FBXO31: variants seen among roughly 807,000 people sequenced by gnomAD.
FBXO31 encodes F-box protein 31, also known as F-box only protein 31.
A neutral mutation model predicts 54.4 loss-of-function variants in FBXO31; 24 were observed. The ratio of observed to expected loss-of-function variants is 0.44; its 90% confidence interval spans 0.32 to 0.62. FBXO31 has a LOEUF of 0.62. FBXO31 is among the 20% of genes least tolerant of loss of function. The pLI is 0.05. For synonymous variants in FBXO31, 388 were observed against 335.6 expected, an observed-to-expected ratio of 1.16 and a Z score of -1.71; for missense variants, 665 against 787.1, an observed-to-expected ratio of 0.84 and a Z score of 1.86.
rs145589459 is a variant in FBXO31, at chr16:87,333,935, C to A, written c.1348G>T (p.Val450Leu). 3.8e-5 allele frequency: 62 copies of A among 1,611,758 alleles called. No individual in the cohort carries two copies. The highest frequency in any genetic ancestry group is 5.2e-5 in the Non-Finnish European group (61 of 1,179,222). ...CGQGQPFVLP[V>L]GVSSRNEDYP... ...TCCTCATTCCTGGAGCTCACGCCCA[C>A]GGGCAGCACGAACGGCTGCCCCTGC... Residue 450 changes from valine to leucine, a missense_variant, in exon 8 of 9, where the codon GTG (valine) becomes TTG (leucine). By Grantham distance (32) the Val-to-Leu change is conservative (BLOSUM62 1). Around this residue, in one of 4 missense-constraint regions of FBXO31, gnomAD observed 165 missense variants for 159.7 expected, o/e 1.03. Coordinates refer to ENST00000311635, the MANE Select transcript of FBXO31 (RefSeq NM_024735.5).
chr16:87,340,579 A>C (rs527689734), intron 5 of FBXO31, among the ~76,000 whole-genome samples: 3 of 152,242 alleles, frequency 2.0e-5, no homozygotes, highest in Non-Finnish European at 2.9e-5. Flanking sequence ...CTCATTTGTA[A>C]ACATATGTGC....
intron 2 of FBXO31, among the ~76,000 whole-genome samples, chr16:87,353,557 G>A (rs1597368803): frequency 6.6e-6 from 1 of 152,380 alleles, no homozygotes; most frequent in South Asian, 2.1e-4. Context: ...CGTGGGGACA[G>A]AGGCAGGGGC....
At chr16:87,337,809 G>A (rs1905078217) in intron 5 of FBXO31, among the ~76,000 whole-genome samples, 1 of 147,092 alleles carries the variant, frequency 6.8e-6, no homozygotes. Flanking sequence ...CTGATGTGAT[G>A]CTACCAAACT....
At position 87,336,395 on chromosome 16, in the gene FBXO31, G is replaced by T. The variant is rs111282332; in HGVS notation, c.733-131C>A. 7,919 of 731,708 alleles carry T rather than the reference G, an allele frequency of 0.011. 54 individuals are homozygous for T. Among genetic ancestry groups the T allele is most frequent in the Non-Finnish European group, 0.015 (6,590 of 433,172 alleles). The allele number at this position is 731,708 out of a possible 1,614,324, so 45.3% of individuals were successfully genotyped here. On this transcript the variant is annotated intron_variant, in intron 5 of 8. Transcript: ENST00000311635. The surrounding 1 kb of genome is among the most constrained non-coding windows in gnomAD (Gnocchi z 6.5). Reference sequence around the variant, plus strand: ...CAGGCACCTGCAGGGCCCTCTTGGTGGGGGAGGATGGACTTGGCGCTGGGA... The same window carrying T: ...CAGGCACCTGCAGGGCCCTCTTGGTTGGGGAGGATGGACTTGGCGCTGGGA...
At chr16:87,357,757 C>T (rs906293463) in intron 2 of FBXO31, among the ~76,000 whole-genome samples, 1 of 151,924 alleles carries the variant, frequency 6.6e-6, no homozygotes, top group Non-Finnish European at 1.5e-5. Context: ...ATGATGAAAC[C>T]CCATCTCTAC....
chr16:87,335,419 C>T lies in FBXO31; in HGVS notation c.881G>A (p.Ser294Asn), dbSNP rs750686501. ...LTYRRIYLPP[S>N]RPDDLIKPGL... ...AGGCTTGATGAGGTCGTCGGGGCGG[C>T]TGGGCGGCAGGTAGATGCGGCGGTA... Residue 294 changes from serine to asparagine, a missense_variant, in exon 7 of 9, where the codon AGC becomes AAC. Physicochemically the swap from Ser to Asn is conservative, Grantham distance 46 (BLOSUM62 1). Around this residue, in one of 4 missense-constraint regions of FBXO31, gnomAD observed 234 missense variants for 346.8 expected, o/e 0.67. Coordinates refer to ENST00000311635, the MANE Select transcript of FBXO31 (RefSeq NM_024735.5). The surrounding 1 kb of genome is among the most constrained non-coding windows in gnomAD (Gnocchi z 5.7). 6.2e-7 allele frequency: 1 copy of T among 1,613,522 alleles called. No homozygotes were observed. The highest frequency in any genetic ancestry group is 1.3e-5 in the African/African-American group (1 of 74,930).
At chr16:87,350,577 G>A (rs563962878) in intron 2 of FBXO31, among the ~76,000 whole-genome samples, 1 of 152,210 alleles carries the variant, frequency 6.6e-6, no homozygotes, top group Admixed American at 6.5e-5. Flanking sequence ...ACTGACGCCT[G>A]CAAGTGTGAA....
rs1340938327 is a variant in FBXO31 at position 87,346,204 on chromosome 16, A to G, written c.489+970T>C. On this transcript the variant is annotated intron_variant, in intron 3 of 8. Transcript: ENST00000311635. The surrounding 1 kb of genome is among the most constrained non-coding windows in gnomAD (Gnocchi z 4.2). ...GCTTCCCCAAGCCTGAGACGCGCGC[A>G]TACCCCGGGCCTGCGCAGAGCAGGT... Among the ~76,000 whole-genome samples the G allele has an allele frequency of 6.6e-6, 1 of 152,058 alleles. No individual in the cohort carries two copies. Among genetic ancestry groups the G allele is most frequent in the Non-Finnish European group, 1.5e-5 (1 of 68,014 alleles).
At chr16:87,352,365 CTAAA>C (rs1905700403) in intron 2 of FBXO31, among the ~76,000 whole-genome samples, 1 of 152,080 alleles carries the variant, frequency 6.6e-6, no homozygotes, top group South Asian at 2.1e-4. Flanking sequence ...CTACCTCTTA[CTAAA>C]TGTTGTTTTA....
intron 2 of FBXO31, among the ~76,000 whole-genome samples, chr16:87,348,314 G>A (rs368409969): frequency 6.6e-6 from 1 of 152,188 alleles, no homozygotes; most frequent in Non-Finnish European, 1.5e-5. Flanking sequence ...CTGCACTCAT[G>A]AGCCACCCCT....
chr16:87,343,833 C>T, intron 3 of FBXO31, 68 bp from the exon 4 acceptor site: 8 of 1,551,176 alleles, frequency 5.2e-6, no homozygotes, highest in Non-Finnish European at 7.1e-6. Context: ...CCCCGCACGG[C>T]TCCCCGCACT....
At chr16:87,359,382 A>G (rs1372099647) in intron 2 of FBXO31, among the ~76,000 whole-genome samples, 1 of 152,138 alleles carries the variant, frequency 6.6e-6, no homozygotes, top group Non-Finnish European at 1.5e-5. Context: ...CGACCCCCAC[A>G]GCTGGAAGGA....
intron 2 of FBXO31, among the ~76,000 whole-genome samples, chr16:87,359,381 C>A (rs936495345): frequency 1.3e-5 from 2 of 152,200 alleles, no homozygotes; most frequent in African/African-American, 2.4e-5. Context: ...CCGACCCCCA[C>A]AGCTGGAAGG....
chr16:87,384,094 C>G (rs962266849), upstream of FBXO31: 2 of 161,572 alleles, frequency 1.2e-5, no homozygotes, highest in Non-Finnish European at 2.7e-5. Context: ...GCTAACGAGG[C>G]TGCTCGGCGA....
intron 2 of FBXO31, among the ~76,000 whole-genome samples, chr16:87,348,841 A>T (rs1299316677): frequency 1.3e-5 from 2 of 152,186 alleles, no homozygotes; most frequent in Non-Finnish European, 2.9e-5. Context: ...TGTACCTGGA[A>T]AGCTCCCGCA....
rs1905370967 is a variant in FBXO31, at chr16:87,346,040, C to A, written c.489+1134G>T. The stretch of plus-strand genomic sequence containing the variant: ...AGTGGCTGCTGAGAGGAGAAGGGGC[C>A]AAGCGAAGCGTGACTCACAAAGCCA... On this transcript the variant is annotated intron_variant, in intron 3 of 8. Transcript: ENST00000311635. This position sits in a 1 kb window ranked among gnomAD's most constrained non-coding sequence, Gnocchi z 4.2. 6.6e-6 allele frequency among the ~76,000 whole-genome samples: 1 copy of A among 152,004 alleles called. No homozygotes were observed. Among genetic ancestry groups the A allele is most frequent in the Non-Finnish European group, 1.5e-5 (1 of 67,992 alleles).
chr16:87,342,696 G>A (rs912589979), intron 5 of FBXO31, among the ~76,000 whole-genome samples, 181 bp downstream of exon 5: 5 of 152,204 alleles, frequency 3.3e-5, no homozygotes, highest in African/African-American at 4.8e-5. Flanking sequence ...CCGCCCGCAC[G>A]ATGCTGTTCC....
chr16:87,373,030 C>T (rs1477872936), intron 1 of FBXO31, among the ~76,000 whole-genome samples: 2 of 148,522 alleles, frequency 1.3e-5, no homozygotes, highest in Non-Finnish European at 3.0e-5. Flanking sequence ...CCACTGCACC[C>T]GGCCTCTTTT....
At chr16:87,348,598 A>T (rs1331924353) in intron 2 of FBXO31, among the ~76,000 whole-genome samples, 2 of 152,064 alleles carry the variant, frequency 1.3e-5, no homozygotes, top group Non-Finnish European at 2.9e-5. Context: ...TGCTTTGTGG[A>T]CACCTCCCCA....
Sources: gnomAD v4.1 joint callset for allele counts (sites outside exome capture counted in the v4.1 genomes callset) on GRCh38, gnomAD v4.1.1 for gene constraint, gnomAD v4.1.1 regional missense constraint, Gnocchi (gnomAD v3.1) non-coding constraint, MANE v1.5 for transcripts, NCBI Gene and HGNC (gene_info 2026-07-23, HGNC 2026-07-21) for gene names.